RAD51B: variants seen among roughly 807,000 people sequenced by gnomAD.
The protein encoded by RAD51B is DNA repair protein RAD51 homolog 2.
Under a neutral mutation model 42.2 loss-of-function variants are expected in RAD51B, and 38 were observed. The observed-to-expected ratio is 0.90, with a 90% confidence interval of 0.70 to 1.18. The LOEUF (loss-of-function observed/expected upper bound fraction) is 1.18. Ranked by LOEUF, RAD51B falls within the 50% of genes most tolerant of loss-of-function variation. The probability of loss-of-function intolerance (pLI) is 0.00; values close to 1 mark genes in which losing one functional copy is unlikely to be tolerated. For missense variants in RAD51B, 373 were observed against 400.7 expected (o/e 0.93, Z 0.59); for synonymous variants, 154 against 145.2 (o/e 1.06, Z -0.43).
chr14:68,360,971 T>A (rs1289535503), intron 8 of RAD51B, among the ~76,000 whole-genome samples: 2 of 152,062 alleles, frequency 1.3e-5, no homozygotes, highest in Admixed American at 6.5e-5. Flanking sequence ...AGGTAGGGGG[T>A]AGGACCCCTC....
intron 7 of RAD51B, among the ~76,000 whole-genome samples, chr14:67,936,172 C>T (rs928142322): frequency 4.6e-5 from 7 of 152,066 alleles, no homozygotes; most frequent in Non-Finnish European, 7.4e-5. Context: ...GATTGTGCAA[C>T]GATCACCACA....
intron 7 of RAD51B, among the ~76,000 whole-genome samples, chr14:68,087,135 C>CAA (rs1347014384): frequency 1.4e-3 from 180 of 124,308 alleles, no homozygotes; most frequent in African/African-American, 5.0e-3. Context: ...AACGCCATCT[C>CAA]AAAAAAAAAA....
At chr14:68,398,790 A>G (rs2084000898) in intron 8 of RAD51B, among the ~76,000 whole-genome samples, 1 of 152,224 alleles carries the variant, frequency 6.6e-6, no homozygotes, top group Non-Finnish European at 1.5e-5. Flanking sequence ...ACAAGATACT[A>G]GGTGGAGATT....
chr14:68,073,614 T>TGTCGATG (rs2076788280), intron 7 of RAD51B, among the ~76,000 whole-genome samples: 1 of 152,238 alleles, frequency 6.6e-6, no homozygotes. Context: ...TGCTTTATAC[T>TGTCGATG]GTCGATGGTC....
At chr14:68,200,946 T>C (rs1185816629) in intron 7 of RAD51B, among the ~76,000 whole-genome samples, 1 of 152,156 alleles carries the variant, frequency 6.6e-6, no homozygotes, top group African/African-American at 2.4e-5. Flanking sequence ...TAAGCTACCA[T>C]GCCCATCCAC....
intron 7 of RAD51B, among the ~76,000 whole-genome samples, chr14:67,893,489 C>T (rs1326102060): frequency 1.3e-5 from 1 of 74,294 alleles, no homozygotes; most frequent in Non-Finnish European, 2.7e-5. Flanking sequence ...CACACACACA[C>T]ACACACACAC....
exon 11 of RAD51B, chr14:68,594,884 T>C: frequency 9.1e-7 from 1 of 1,104,834 alleles, no homozygotes; most frequent in Non-Finnish European, 1.1e-6. Context: ...CCCTCCACCA[T>C]GGAGTACATT....
chr14:67,980,081 T>G (rs1191293441), intron 7 of RAD51B, among the ~76,000 whole-genome samples: 2 of 152,212 alleles, frequency 1.3e-5, no homozygotes, highest in Admixed American at 1.3e-4. Flanking sequence ...GTTCATGCAG[T>G]TATAAATAAA....
In RAD51B at chr14:67,968,715, A is replaced by C. The variant is rs545066738; in HGVS notation, c.756+81511A>C. Among the ~76,000 whole-genome samples, 3 of 152,310 alleles carry C rather than the reference A, an allele frequency of 2.0e-5. No homozygotes were observed. The East Asian group carries it at 5.8e-4, about 29-fold the overall frequency. On this transcript the variant is annotated intron_variant, in intron 7 of 10. Transcript: ENST00000471583. The stretch of plus-strand genomic sequence containing the variant: ...GCATTTTTGTCAAAGCCATTCAACA[A>C]GTCTCTAGGAGGTTCCAAACCATCC...
At chr14:68,297,220 C>T (rs1386197188) in intron 8 of RAD51B, among the ~76,000 whole-genome samples, 3 of 152,150 alleles carry the variant, frequency 2.0e-5, no homozygotes, top group Admixed American at 6.6e-5. Context: ...AACTTCAAAG[C>T]GCGGTATGAA....
intron 4 of RAD51B, among the ~76,000 whole-genome samples, chr14:67,844,184 C>A (rs2140314184): frequency 6.7e-6 from 1 of 148,440 alleles, no homozygotes; most frequent in East Asian, 2.0e-4. Flanking sequence ...GTATTGATTT[C>A]TATTTTTATT....
At chr14:68,675,582 A>G (rs1054972654) in intron 11 of RAD51B, among the ~76,000 whole-genome samples, 30 of 152,194 alleles carry the variant, frequency 2.0e-4, no homozygotes, top group African/African-American at 6.3e-4. Context: ...CTCACTTTCC[A>G]ATGCTGTTCA....
At chr14:68,130,440 C>A (rs1033130643) in intron 7 of RAD51B, among the ~76,000 whole-genome samples, 1 of 152,156 alleles carries the variant, frequency 6.6e-6, no homozygotes, top group Non-Finnish European at 1.5e-5. Context: ...AAGATGAAAA[C>A]CAATGTTGGG....
chr14:68,394,111 G>A (rs1250511395), intron 8 of RAD51B, among the ~76,000 whole-genome samples: 4 of 152,144 alleles, frequency 2.6e-5, no homozygotes, highest in Non-Finnish European at 4.4e-5. Flanking sequence ...GTAGGGAGAG[G>A]TCAAGATGTC....
intron 7 of RAD51B, among the ~76,000 whole-genome samples, chr14:68,028,476 T>A (rs1007837179): frequency 2.0e-5 from 3 of 152,174 alleles, no homozygotes; most frequent in African/African-American, 7.2e-5. Flanking sequence ...CAGTGCTCTG[T>A]GAGTATGGGC....
intron 7 of RAD51B, among the ~76,000 whole-genome samples, chr14:68,174,547 A>T (rs573445003): frequency 1.3e-5 from 2 of 152,346 alleles, no homozygotes; most frequent in South Asian, 4.1e-4. Context: ...TTTAAAAAGT[A>T]TATGACTGTA....
intron 3 of RAD51B, among the ~76,000 whole-genome samples, chr14:67,834,781 C>T (rs1031955190): frequency 6.6e-6 from 1 of 152,140 alleles, no homozygotes; most frequent in African/African-American, 2.4e-5. Flanking sequence ...GTTATACTTT[C>T]CCTATTACAA....
intron 10 of RAD51B, among the ~76,000 whole-genome samples, chr14:68,561,209 C>T (rs4902600): frequency 0.016 from 2,438 of 152,332 alleles, 72 homozygotes; most frequent in Admixed American, 0.078. Flanking sequence ...GCTTCCACAA[C>T]GTCTGGTGAT....
intron 7 of RAD51B, among the ~76,000 whole-genome samples, chr14:68,013,867 G>A (rs928310937): frequency 3.9e-5 from 6 of 152,068 alleles, no homozygotes; most frequent in African/African-American, 1.4e-4. Context: ...TCTTAGAATT[G>A]GGATGTGATA....
Sources: gnomAD v4.1 joint callset for allele counts (sites outside exome capture counted in the v4.1 genomes callset) on GRCh38, gnomAD v4.1.1 for gene constraint, MANE v1.5 for transcripts, NCBI Gene and HGNC (gene_info 2026-07-23, HGNC 2026-07-21) for gene names.